PRDM5: variants seen among roughly 807,000 people sequenced by gnomAD.
PRDM5 encodes the protein PR/SET domain 5, also known as PR domain zinc finger protein 5.
Under a neutral mutation model 81.2 loss-of-function variants are expected in PRDM5, and 56 were observed. The ratio of observed to expected loss-of-function variants is 0.69; its 90% confidence interval spans 0.56 to 0.86. The LOEUF is 0.86. Among genes scored for constraint, PRDM5 ranks in the 40% least tolerant of loss-of-function variants. PRDM5 has a pLI of 0.00. For missense variants in PRDM5, 697 were observed against 770.1 expected (o/e 0.91, Z 1.12); for synonymous variants, 267 against 256.4 (o/e 1.04, Z -0.39).
chr4:120,847,545 C>T (rs1022034131), intron 3 of PRDM5, among the ~76,000 whole-genome samples: 1 of 152,178 alleles, frequency 6.6e-6, no homozygotes, highest in Non-Finnish European at 1.5e-5. Flanking sequence ...ACAGCAACCT[C>T]ATGAAAGTCC....
chr4:120,750,719 C>CGCGT (rs1491393098), intron 14 of PRDM5, among the ~76,000 whole-genome samples: 3 of 131,484 alleles, frequency 2.3e-5, no homozygotes, highest in African/African-American at 8.3e-5. Context: ...CACACACACA[C>CGCGT]GCGCACACAA....
chr4:120,710,127 A>G (rs1397708928), intron 15 of PRDM5, among the ~76,000 whole-genome samples, 182 bp downstream of exon 15: 2 of 152,142 alleles, frequency 1.3e-5, no homozygotes, highest in African/African-American at 4.8e-5. Flanking sequence ...AATGATTACA[A>G]TGCAGTTACA....
intron 12 of PRDM5, among the ~76,000 whole-genome samples, chr4:120,777,611 C>T (rs1312748673): frequency 6.6e-6 from 1 of 152,086 alleles, no homozygotes; most frequent in Admixed American, 6.6e-5. Flanking sequence ...TATAGCTACC[C>T]TTCCCAGCTG....
intron 3 of PRDM5, among the ~76,000 whole-genome samples, chr4:120,824,608 A>G (rs1287650050): frequency 6.6e-6 from 1 of 152,108 alleles, no homozygotes; most frequent in Non-Finnish European, 1.5e-5. Context: ...TCTCTTGCCT[A>G]TTGTTTTGAA....
At chr4:120,734,409 C>CAT (rs1740767101) in intron 14 of PRDM5, among the ~76,000 whole-genome samples, 1 of 145,380 alleles carries the variant, frequency 6.9e-6, no homozygotes, top group Non-Finnish European at 1.5e-5. Flanking sequence ...CACACACACA[C>CAT]ACACACACAA....
At chr4:120,904,018 C>T (rs370891419) in intron 2 of PRDM5, among the ~76,000 whole-genome samples, 20 of 151,442 alleles carry the variant, frequency 1.3e-4, no homozygotes, top group Admixed American at 1.1e-3. Context: ...GGTAGAACCC[C>T]GTCTCTACTA....
At chr4:120,816,421 C>T in intron 7 of PRDM5, 32 bp downstream of exon 7, 1 of 1,614,098 alleles carries the variant, frequency 6.2e-7, no homozygotes, top group Non-Finnish European at 8.5e-7. Context: ...AAAGGAAGCC[C>T]CTTCGGAAAC....
chr4:120,688,393 T>C (rs572139154), downstream of PRDM5, among the ~76,000 whole-genome samples: 1 of 152,258 alleles, frequency 6.6e-6, no homozygotes, highest in South Asian at 2.1e-4. Context: ...TGTTAACAGA[T>C]ACATGGTTTG....
At chr4:120,703,441 C>T (rs545330023) in intron 15 of PRDM5, among the ~76,000 whole-genome samples, 2 of 152,250 alleles carry the variant, frequency 1.3e-5, no homozygotes, top group African/African-American at 4.8e-5. Context: ...CCTCCTGCCT[C>T]GGCCTCCCAA....
intron 1 of PRDM5, among the ~76,000 whole-genome samples, chr4:120,916,108 G>A (rs1724124894): frequency 6.6e-6 from 1 of 152,108 alleles, no homozygotes; most frequent in African/African-American, 2.4e-5. Flanking sequence ...AAATAAATGG[G>A]CCAGGCACGG....
chr4:120,717,412 G>T (rs1422708492), intron 14 of PRDM5, among the ~76,000 whole-genome samples: 1 of 152,158 alleles, frequency 6.6e-6, no homozygotes, highest in Non-Finnish European at 1.5e-5. Context: ...GCTGCACCTT[G>T]TAATCTAGGT....
chr4:120,791,295 T>C (rs1043408484), intron 10 of PRDM5, among the ~76,000 whole-genome samples: 12 of 152,312 alleles, frequency 7.9e-5, no homozygotes, highest in African/African-American at 2.4e-4. Flanking sequence ...TGAGTAGATT[T>C]ATATGAACTA....
At chr4:120,748,480 C>G (rs897463557) in intron 14 of PRDM5, among the ~76,000 whole-genome samples, 4 of 151,898 alleles carry the variant, frequency 2.6e-5, no homozygotes, top group Admixed American at 1.3e-4. Flanking sequence ...CCTGTCTCCA[C>G]AAAAATTTAA....
intron 3 of PRDM5, chr4:120,837,492 T>G (rs1480846300): frequency 6.6e-6 from 1 of 152,208 alleles, no homozygotes; most frequent in Non-Finnish European, 1.5e-5. Flanking sequence ...ATCTTTTACA[T>G]ACAACTTACA....
chr4:120,893,027 C>T (rs755552910), intron 2 of PRDM5, among the ~76,000 whole-genome samples: 4 of 152,190 alleles, frequency 2.6e-5, no homozygotes, highest in African/African-American at 4.8e-5. Context: ...TCTATTGAGG[C>T]TACAGTGCCA....
intron 14 of PRDM5, among the ~76,000 whole-genome samples, chr4:120,744,588 A>T (rs187518613): frequency 8.3e-4 from 127 of 152,352 alleles, no homozygotes; most frequent in African/African-American, 3.0e-3. Context: ...AGAAAAAATG[A>T]TAAAGGGGAT....
intron 2 of PRDM5, among the ~76,000 whole-genome samples, chr4:120,863,191 TACACACAC>T (rs370387683): frequency 1.0e-4 from 7 of 70,312 alleles, no homozygotes; most frequent in Non-Finnish European, 1.4e-4. Context: ...TATATATATA[TACACACAC>T]ACACACACAC....
intron 2 of PRDM5, among the ~76,000 whole-genome samples, chr4:120,883,414 A>T (rs905250697): frequency 6.6e-6 from 1 of 152,152 alleles, no homozygotes; most frequent in East Asian, 1.9e-4. Context: ...CTAAAAACTG[A>T]TATCAATCCA....
At chr4:120,895,118 A>C (rs1312067955) in intron 2 of PRDM5, among the ~76,000 whole-genome samples, 3 of 152,220 alleles carry the variant, frequency 2.0e-5, no homozygotes, top group Non-Finnish European at 4.4e-5. Context: ...AATCCTTTAG[A>C]GAAAGTAAAA....
Sources: allele counts gnomAD v4.1 joint callset (sites outside exome capture counted in the v4.1 genomes callset), GRCh38; gene constraint gnomAD v4.1.1; transcripts MANE v1.5; gene names NCBI Gene and HGNC (gene_info 2026-07-23, HGNC 2026-07-21).